Variants in HAO1 observed in about 807,000 individuals in gnomAD.
HAO1 encodes the protein 2-Hydroxyacid oxidase 1.
In HAO1, 34 loss-of-function variants were observed where a neutral mutation model predicts 39.7. The ratio of observed to expected loss-of-function variants is 0.86; its 90% CI spans 0.65 to 1.14. HAO1 has a LOEUF of 1.14. Ranked by LOEUF, HAO1 falls within the 50% of genes most tolerant of loss-of-function variation. The pLI is 0.00. For synonymous variants in HAO1, 172 were observed against 173.2 expected (o/e 0.99, Z 0.05); for missense variants, 479 against 464.5 (o/e 1.03, Z -0.29).
chr20:7,918,646 G>A (rs1271621193), intron 2 of HAO1, among the ~76,000 whole-genome samples: 1 of 152,172 alleles, frequency 6.6e-6, no homozygotes, highest in Non-Finnish European at 1.5e-5. Context: ...TAGAGCGCTA[G>A]AGACCAGCAG....
chr20:7,892,464 A>G (rs1352108045), intron 5 of HAO1, among the ~76,000 whole-genome samples: 2 of 152,188 alleles, frequency 1.3e-5, no homozygotes, highest in African/African-American at 4.8e-5. Context: ...ATGCACACCC[A>G]ATATTCCCTG....
intron 4 of HAO1, among the ~76,000 whole-genome samples, chr20:7,900,016 C>T (rs2050214475): frequency 6.6e-6 from 1 of 152,104 alleles, no homozygotes. Flanking sequence ...AACGTAAGTA[C>T]TCAAGATTTG....
chr20:7,915,485 G>GTT (rs971563232), intron 2 of HAO1, among the ~76,000 whole-genome samples: 15 of 152,218 alleles, frequency 9.9e-5, no homozygotes, highest in Middle Eastern at 3.4e-3. Flanking sequence ...ACATTTCCCT[G>GTT]GTAGCTTGCC....
rs1049017191 is a variant in HAO1 at position 7,934,512 on chromosome 20, A to G, written c.261T>C (p.His87=). The change falls in exon 2 of 8, where the codon CAT becomes CAC. Residue 87 remains histidine, a synonymous_variant. Coordinates refer to ENST00000378789, the MANE Select transcript of HAO1 (RefSeq NM_017545.3). ...VGATAMQRMA[H]VDGELATVRA... ...TCACAGTGGCAAGCTCGCCGTCCACATGAGCCATGCGCTGCATGGCCGTAG... is the reference window on the plus strand; with the variant it reads ...TCACAGTGGCAAGCTCGCCGTCCACGTGAGCCATGCGCTGCATGGCCGTAG... 1.6e-5 allele frequency: 25 copies of G among 1,612,548 alleles called. No individual in the cohort carries two copies. The highest frequency in any genetic ancestry group is 2.1e-5 in the Non-Finnish European group (25 of 1,179,394).
At chr20:7,911,102 G>T (rs971227887) in intron 3 of HAO1, among the ~76,000 whole-genome samples, 1 of 152,180 alleles carries the variant, frequency 6.6e-6, no homozygotes, top group African/African-American at 2.4e-5. Flanking sequence ...TGAAAGAACC[G>T]CAGGGAAGCC....
intron 5 of HAO1, among the ~76,000 whole-genome samples, chr20:7,891,550 C>G (rs1004009317): frequency 1.3e-5 from 2 of 152,098 alleles, no homozygotes; most frequent in Non-Finnish European, 2.9e-5. Flanking sequence ...GTTTAATTAA[C>G]TCCCAGCTAT....
At chr20:7,924,132 A>G (rs1445921599) in intron 2 of HAO1, among the ~76,000 whole-genome samples, 1 of 152,096 alleles carries the variant, frequency 6.6e-6, no homozygotes, top group Non-Finnish European at 1.5e-5. Context: ...CTGTGTTCGC[A>G]TAATGGCCCC....
intron 3 of HAO1, among the ~76,000 whole-genome samples, chr20:7,910,958 A>T (rs2122773484): frequency 6.6e-6 from 1 of 152,248 alleles, no homozygotes; most frequent in African/African-American, 2.4e-5. Context: ...CAATATAGAC[A>T]TGTATATCCA....
chr20:7,936,503 CGTGTGTGTGTGTGTGTGT>C (rs71183082), intron 1 of HAO1, among the ~76,000 whole-genome samples: 2 of 109,142 alleles, frequency 1.8e-5, no homozygotes, highest in African/African-American at 3.7e-5. Context: ...GGGCAGCAGC[CGTGTGTGTGTGTGTGTGT>C]GTGTGTGTGT....
chr20:7,893,150 C>A (rs907550913), intron 5 of HAO1, among the ~76,000 whole-genome samples: 1 of 152,164 alleles, frequency 6.6e-6, no homozygotes, highest in African/African-American at 2.4e-5. Context: ...TCTATCCAGG[C>A]AGATGCATTT....
chr20:7,935,625 G>A (rs2050406530), intron 1 of HAO1, among the ~76,000 whole-genome samples: 1 of 152,098 alleles, frequency 6.6e-6, no homozygotes, highest in Admixed American at 6.5e-5. Context: ...TGAAATTTGG[G>A]TGTTAAAAAG....
In HAO1 at chr20:7,883,555, G is replaced by A. The variant is rs201260573; in HGVS notation, c.*38C>T. On this transcript the variant is annotated 3_prime_UTR_variant, in exon 8 of 8. Transcript: ENST00000378789. Reference sequence around the variant, plus strand: ...GTCTCTTTGTCAAGTAATACATGCTGAAAAAAAATAATACAGATGGGAAAA... The same window carrying A: ...GTCTCTTTGTCAAGTAATACATGCTAAAAAAAAATAATACAGATGGGAAAA... 481 of 1,511,778 alleles carry A rather than the reference G, an allele frequency of 3.2e-4. 4 individuals carry two copies. The African/African-American group carries it at 6.1e-3, about 19-fold the overall frequency. 93.6% of individuals were successfully genotyped at this position (1,511,778 alleles called of 1,614,324 possible).
At chr20:7,919,590 CT>C (rs1205186590) in intron 2 of HAO1, among the ~76,000 whole-genome samples, 2 of 152,156 alleles carry the variant, frequency 1.3e-5, no homozygotes, top group African/African-American at 4.8e-5. Context: ...GAGTCCCAGT[CT>C]TGCCATCCAT....
chr20:7,931,497 C>T (rs147354414), intron 2 of HAO1, among the ~76,000 whole-genome samples: 18 of 152,186 alleles, frequency 1.2e-4, no homozygotes, highest in Admixed American at 9.2e-4. Flanking sequence ...ATTCACCTGG[C>T]GTGTACCTCA....
intron 5 of HAO1, among the ~76,000 whole-genome samples, chr20:7,886,634 A>G (rs534312945): frequency 1.3e-5 from 2 of 152,290 alleles, no homozygotes; most frequent in East Asian, 1.9e-4. Context: ...GCATCCAACC[A>G]TATATTAAAG....
intron 5 of HAO1, among the ~76,000 whole-genome samples, chr20:7,889,800 T>C (rs574711012): frequency 2.7e-4 from 41 of 152,328 alleles, no homozygotes; most frequent in African/African-American, 9.9e-4. Context: ...ACTTTCTTTT[T>C]GTAAGCAACA....
chr20:7,897,800 T>C (rs1392043108), intron 4 of HAO1, among the ~76,000 whole-genome samples: 1 of 152,214 alleles, frequency 6.6e-6, no homozygotes, highest in Non-Finnish European at 1.5e-5. Context: ...TGTTATGTTT[T>C]GGTGTTTCTG....
chr20:7,886,683 A>T (rs1483206287), intron 5 of HAO1, among the ~76,000 whole-genome samples: 4 of 152,222 alleles, frequency 2.6e-5, no homozygotes, highest in Admixed American at 1.3e-4. Context: ...TTTAAGGAAT[A>T]TGACCACTTG....
intron 3 of HAO1, among the ~76,000 whole-genome samples, chr20:7,908,013 T>C (rs1014300564): frequency 1.3e-5 from 2 of 152,202 alleles, no homozygotes. Flanking sequence ...GTATGTATAT[T>C]GATCTCTGGC....
Sources: allele counts gnomAD v4.1 joint callset (sites outside exome capture counted in the v4.1 genomes callset), GRCh38; gene constraint gnomAD v4.1.1; transcripts MANE v1.5; gene names NCBI Gene and HGNC (gene_info 2026-07-23, HGNC 2026-07-21).